The following NTRK3 variants were observed in gnomAD, a reference collection of about 807,000 sequenced individuals.
The protein encoded by NTRK3 is NT-3 growth factor receptor.
NTRK3 carries 24 observed loss-of-function variants against 91.7 expected under a neutral mutation model. That is an observed-to-expected ratio of 0.26 (90% CI 0.19 to 0.37). The LOEUF (loss-of-function observed/expected upper bound fraction) is 0.37, where lower values mean the gene tolerates loss of function less well. NTRK3 is among the 10% of genes least tolerant of loss of function. NTRK3 has a pLI of 1.00. For missense variants in NTRK3, 880 were observed against 1,068.9 expected (o/e 0.82, Z 2.46); for synonymous variants, 483 against 404.0 (o/e 1.20, Z -2.34).
At chr15:88,007,169 G>T (rs540837968) in intron 14 of NTRK3, among the ~76,000 whole-genome samples, 3 of 152,304 alleles carry the variant, frequency 2.0e-5, no homozygotes, top group Admixed American at 1.3e-4. Context: ...TACAATGATA[G>T]CTTGAGTTAT....
At chr15:87,863,974 TACAC>T (rs3217416) in exon 19 of NTRK3, 5 of 211,362 alleles carry the variant, frequency 2.4e-5, no homozygotes, top group Middle Eastern at 1.4e-3. Context: ...CCAGGCAAAA[TACAC>T]ACACACACAC....
chr15:88,171,717 T>G (rs1368051905), intron 5 of NTRK3, among the ~76,000 whole-genome samples: 7 of 152,194 alleles, frequency 4.6e-5, no homozygotes, highest in Non-Finnish European at 7.3e-5. Flanking sequence ...TGGCCAAGAA[T>G]GCAAAGTGAA....
At chr15:88,078,589 G>A (rs764545918) in intron 13 of NTRK3, among the ~76,000 whole-genome samples, 9 of 152,220 alleles carry the variant, frequency 5.9e-5, no homozygotes, top group Admixed American at 2.0e-4. Flanking sequence ...GGTGGAGGTT[G>A]CAGTGAGCCA....
intron 3 of NTRK3, among the ~76,000 whole-genome samples, chr15:88,186,076 C>T (rs2046919777): frequency 6.6e-6 from 1 of 152,128 alleles, no homozygotes; most frequent in African/African-American, 2.4e-5. Context: ...GAAAAGAAAG[C>T]GCCAGAGGAG....
At chr15:88,224,267 C>A (rs879497347) in intron 3 of NTRK3, among the ~76,000 whole-genome samples, 4 of 152,194 alleles carry the variant, frequency 2.6e-5, no homozygotes, top group Non-Finnish European at 5.9e-5. Flanking sequence ...GAACTCAGAA[C>A]CTAGATCTGA....
chr15:88,069,167 C>T (rs532050656), intron 13 of NTRK3, among the ~76,000 whole-genome samples: 1 of 152,284 alleles, frequency 6.6e-6, no homozygotes, highest in Non-Finnish European at 1.5e-5. Context: ...AAGCATGAAA[C>T]TTTAGGACAA....
chr15:87,953,098 A>G (rs1465839616), intron 14 of NTRK3, among the ~76,000 whole-genome samples: 1 of 152,184 alleles, frequency 6.6e-6, no homozygotes, highest in Non-Finnish European at 1.5e-5. Context: ...GACTTCCAAG[A>G]GTTTCCCCCA....
intron 3 of NTRK3, among the ~76,000 whole-genome samples, chr15:88,196,233 T>C (rs988420219): frequency 1.3e-5 from 2 of 152,188 alleles, no homozygotes; most frequent in African/African-American, 4.8e-5. Flanking sequence ...AGTCCTTGAC[T>C]TTGCAGGAAT....
intron 13 of NTRK3, among the ~76,000 whole-genome samples, chr15:88,089,879 A>G (rs2048858492): frequency 1.3e-5 from 2 of 152,122 alleles, no homozygotes. Flanking sequence ...AATGGCTGCC[A>G]GGGTCTTTGC....
chr15:88,218,119 G>A (rs1356927468), intron 3 of NTRK3, among the ~76,000 whole-genome samples: 1 of 152,108 alleles, frequency 6.6e-6, no homozygotes, highest in Non-Finnish European at 1.5e-5. Context: ...TTGAATGCAG[G>A]TGTGCTTCAA....
chr15:88,180,253 A>T (rs1373712564), intron 5 of NTRK3, among the ~76,000 whole-genome samples: 1 of 152,242 alleles, frequency 6.6e-6, no homozygotes, highest in East Asian at 1.9e-4. Context: ...TATCCTTAAA[A>T]ATCCTTAATC....
exon 19 of NTRK3, chr15:87,867,683 C>T (rs913034183): frequency 2.2e-5 from 5 of 228,160 alleles, no homozygotes; most frequent in African/African-American, 4.4e-5. Flanking sequence ...CCATGCTAAC[C>T]GTTTTGGTTC....
Position 88,243,860 on chromosome 15 carries a change from T to G in NTRK3, c.248+12046A>C, listed in dbSNP as rs2052592459. Among the ~76,000 whole-genome samples the G allele has an allele frequency of 1.3e-5, 2 of 152,198 alleles. No homozygotes were observed. The highest frequency in any genetic ancestry group is 2.1e-4 in the South Asian group (1 of 4,832). On this transcript the variant is annotated intron_variant, in intron 3 of 18. Transcript: ENST00000394480. This position sits in a 1 kb window ranked among gnomAD's most constrained non-coding sequence, Gnocchi z 4.8. ...GGTTTCTCCAGTTGTGACTTCGTAC[T>G]GTGGGCCCCAGCAAGAAACATCCCT...
intron 5 of NTRK3, among the ~76,000 whole-genome samples, chr15:88,148,885 A>G (rs1259682114): frequency 6.6e-6 from 1 of 152,112 alleles, no homozygotes; most frequent in Non-Finnish European, 1.5e-5. Context: ...CAGGATTTCT[A>G]TTGGATTGGA....
chr15:88,250,536 G>A (rs1471620007), intron 3 of NTRK3, among the ~76,000 whole-genome samples: 1 of 152,228 alleles, frequency 6.6e-6, no homozygotes, highest in East Asian at 1.9e-4. Flanking sequence ...AGCTGGCCTG[G>A]CCCCTGCGAG....
At chr15:87,997,727 C>G (rs757181302) in intron 14 of NTRK3, among the ~76,000 whole-genome samples, 22 of 152,228 alleles carry the variant, frequency 1.4e-4, no homozygotes, top group Middle Eastern at 3.4e-3. Flanking sequence ...ACGTTTCTTA[C>G]GTAAGAAACC....
intron 13 of NTRK3, among the ~76,000 whole-genome samples, chr15:88,082,462 G>C (rs777310357): frequency 1.4e-4 from 21 of 152,140 alleles, no homozygotes; most frequent in Non-Finnish European, 2.6e-4. Flanking sequence ...CCACCACCCA[G>C]ATGAAAATGC....
intron 7 of NTRK3, 97 bp downstream of exon 7, chr15:88,137,306 AG>A: frequency 6.9e-7 from 1 of 1,448,424 alleles, no homozygotes; most frequent in Non-Finnish European, 9.5e-7. Flanking sequence ...GCGTTTCGAA[AG>A]GAAGGCTCTG....
chr15:88,086,917 G>C (rs1442745136), intron 13 of NTRK3, among the ~76,000 whole-genome samples: 1 of 152,200 alleles, frequency 6.6e-6, no homozygotes, highest in African/African-American at 2.4e-5. Flanking sequence ...TTGAATAAAA[G>C]TCATGGCCTC....
Sources: gnomAD v4.1 joint callset for allele counts (sites outside exome capture counted in the v4.1 genomes callset) on GRCh38, gnomAD v4.1.1 for gene constraint, Gnocchi (gnomAD v3.1) non-coding constraint, MANE v1.5 for transcripts, NCBI Gene and HGNC (gene_info 2026-07-23, HGNC 2026-07-21) for gene names.